ZPBP: variants seen among roughly 807,000 people sequenced by gnomAD.
The protein encoded by ZPBP is zona pellucida-binding protein 1.
In ZPBP, 26 loss-of-function variants were observed where a neutral mutation model predicts 44.8. The ratio of observed to expected loss-of-function variants is 0.58; its 90% CI spans 0.43 to 0.81. ZPBP has a LOEUF of 0.81. Among genes scored for constraint, ZPBP ranks in the 30% least tolerant of loss-of-function variants. ZPBP has a pLI of 0.00. For synonymous variants in ZPBP, 174 were observed against 153.2 expected (o/e 1.14, Z -1.00); for missense variants, 409 against 434.0 (o/e 0.94, Z 0.51).
intron 7 of ZPBP, among the ~76,000 whole-genome samples, chr7:49,939,940 A>G (rs1330008937): frequency 6.6e-6 from 1 of 152,178 alleles, no homozygotes; most frequent in Non-Finnish European, 1.5e-5. Flanking sequence ...TGAACATTCC[A>G]TAACTGACCA....
At chr7:49,850,993 T>A (rs1333463164) in intron 2 of ZPBP, among the ~76,000 whole-genome samples, 1 of 152,198 alleles carries the variant, frequency 6.6e-6, no homozygotes, top group African/African-American at 2.4e-5. Flanking sequence ...CTTTAAGGAA[T>A]GTCAGTTTAC....
intron 3 of ZPBP, among the ~76,000 whole-genome samples, chr7:50,065,748 G>A (rs1222786845): frequency 1.3e-5 from 2 of 150,948 alleles, no homozygotes; most frequent in African/African-American, 4.9e-5. Flanking sequence ...GATGGGAGAA[G>A]CTCAGGCACT....
At chr7:49,974,463 T>C (rs1377651440) in intron 7 of ZPBP, among the ~76,000 whole-genome samples, 1 of 152,118 alleles carries the variant, frequency 6.6e-6, no homozygotes, top group Non-Finnish European at 1.5e-5. Context: ...CAAATTTTAC[T>C]TTACAGAAAC....
chr7:50,080,251 G>A (rs1024616801), intron 3 of ZPBP, among the ~76,000 whole-genome samples: 5 of 151,660 alleles, frequency 3.3e-5, no homozygotes, highest in Admixed American at 1.3e-4. Context: ...AACTGGTAGA[G>A]AGTGACCTAT....
intron 2 of ZPBP, among the ~76,000 whole-genome samples, chr7:49,869,791 A>G (rs1447239155): frequency 6.6e-6 from 1 of 152,168 alleles, no homozygotes; most frequent in Non-Finnish European, 1.5e-5. Flanking sequence ...CACGGCCACA[A>G]ACTACATTTA....
intron 2 of ZPBP, among the ~76,000 whole-genome samples, chr7:49,877,628 G>A (rs1791495073): frequency 6.8e-6 from 1 of 146,854 alleles, no homozygotes; most frequent in Non-Finnish European, 1.5e-5. Flanking sequence ...GTCTGTAAAT[G>A]CTGTGATTTA....
chr7:49,901,081 A>G (rs1792698538), intron 2 of ZPBP: 1 of 151,936 alleles, frequency 6.6e-6, no homozygotes, highest in Admixed American at 6.6e-5. Flanking sequence ...CAACTTGATA[A>G]AGACTATTTA....
At chr7:49,906,336 A>T (rs1266859987) in intron 1 of ZPBP, among the ~76,000 whole-genome samples, 2 of 151,906 alleles carry the variant, frequency 1.3e-5, no homozygotes, top group African/African-American at 4.8e-5. Flanking sequence ...ACTGTCAAAA[A>T]TTTTCTCTTT....
chr7:50,038,657 C>T (rs1172066943), intron 4 of ZPBP, among the ~76,000 whole-genome samples: 2 of 152,172 alleles, frequency 1.3e-5, no homozygotes. Flanking sequence ...CCCAGAGTTG[C>T]TACAATATAC....
At chr7:49,911,613 T>C (rs1047368486) in intron 1 of ZPBP, among the ~76,000 whole-genome samples, 3 of 152,018 alleles carry the variant, frequency 2.0e-5, no homozygotes, top group African/African-American at 4.8e-5. Flanking sequence ...ATATGTACCA[T>C]TGGCCGGGTG....
intron 3 of ZPBP, among the ~76,000 whole-genome samples, chr7:50,074,662 G>C (rs996995510): frequency 1.3e-5 from 2 of 151,568 alleles, no homozygotes; most frequent in Non-Finnish European, 3.0e-5. Flanking sequence ...AAAACTATCA[G>C]AGAAAAAAAA....
At chr7:49,982,198 T>TA (rs1797022213) in intron 7 of ZPBP, among the ~76,000 whole-genome samples, 1 of 28,134 alleles carries the variant, frequency 3.6e-5, no homozygotes, top group Non-Finnish European at 6.1e-5. Context: ...TTATATATAT[T>TA]TATTATATAT....
rs149084511 is a variant in ZPBP at position 50,072,047 on chromosome 7, C to T, written c.334+9727G>A. Among the ~76,000 whole-genome samples, 175 of 152,274 alleles carry T rather than the reference C, an allele frequency of 1.1e-3. 1 individual carries two copies. Among genetic ancestry groups the T allele is most frequent in the East Asian group, 6.8e-3 (35 of 5,158 alleles). ...CCTTAACTACCAGCATGGACACAGACGGGGAGAGCAACAAGTGGACTCTCA... is the reference window on the plus strand; with the variant it reads ...CCTTAACTACCAGCATGGACACAGATGGGGAGAGCAACAAGTGGACTCTCA... On this transcript the variant is annotated intron_variant, in intron 3 of 7. Transcript: ENST00000046087.
At chr7:50,033,696 T>TTATTTATG (rs1799703589) in intron 4 of ZPBP, among the ~76,000 whole-genome samples, 1 of 151,784 alleles carries the variant, frequency 6.6e-6, no homozygotes, top group African/African-American at 2.4e-5. Flanking sequence ...ATTTATTTAT[T>TTATTTATG]TATTTATTTA....
intron 4 of ZPBP, among the ~76,000 whole-genome samples, chr7:50,055,151 G>T (rs1051513684): frequency 1.3e-5 from 2 of 152,158 alleles, no homozygotes. Context: ...AGCAATGTTA[G>T]TATGGTGGGG....
chr7:49,888,516 G>A (rs1319159021), intron 2 of ZPBP, among the ~76,000 whole-genome samples: 7 of 152,158 alleles, frequency 4.6e-5, no homozygotes, highest in African/African-American at 9.7e-5. Flanking sequence ...GTTAAGACCA[G>A]TTCAGAAGGA....
At chr7:49,866,521 G>A (rs553292438) in intron 2 of ZPBP, among the ~76,000 whole-genome samples, 1 of 152,266 alleles carries the variant, frequency 6.6e-6, no homozygotes, top group African/African-American at 2.4e-5. Context: ...GTTAGTCAAA[G>A]CAGGTCACAC....
chr7:50,045,456 A>G (rs1800303309), intron 4 of ZPBP, among the ~76,000 whole-genome samples: 1 of 152,240 alleles, frequency 6.6e-6, no homozygotes, highest in African/African-American at 2.4e-5. Context: ...GCAAAGTCTC[A>G]AGATACAAAA....
intron 2 of ZPBP, among the ~76,000 whole-genome samples, chr7:49,861,374 T>C (rs1445267310): frequency 1.3e-5 from 2 of 152,232 alleles, no homozygotes; most frequent in African/African-American, 4.8e-5. Flanking sequence ...AAGACTTTTT[T>C]ATATTTTGAA....
Sources: gnomAD v4.1 joint callset for allele counts (sites outside exome capture counted in the v4.1 genomes callset) on GRCh38, gnomAD v4.1.1 for gene constraint, MANE v1.5 for transcripts, NCBI Gene and HGNC (gene_info 2026-07-23, HGNC 2026-07-21) for gene names.